CAD: variants seen among roughly 807,000 people sequenced by gnomAD.
The protein encoded by CAD is multifunctional protein CAD.
Under a neutral mutation model 237.2 loss-of-function variants are expected in CAD, and 81 were observed. That is an observed-to-expected ratio of 0.34 (90% CI 0.29 to 0.41). CAD has a LOEUF of 0.41. Among genes scored for constraint, CAD ranks in the 10% least tolerant of loss-of-function variants. CAD has a pLI of 1.00. For synonymous variants in CAD, 1,196 were observed against 1,162.8 expected (o/e 1.03, Z -0.58); for missense variants, 2,181 against 2,951.7 (o/e 0.74, Z 6.05).
At chr2:27,219,472 A>G (rs1675045112) in intron 2 of CAD, among the ~76,000 whole-genome samples, 1 of 152,032 alleles carries the variant, frequency 6.6e-6, no homozygotes, top group Non-Finnish European at 1.5e-5. Flanking sequence ...CCCCCCAAGT[A>G]GCTGGGACTA....
At chr2:27,229,213 C>T (rs1005055617) in intron 15 of CAD, among the ~76,000 whole-genome samples, 4 of 151,952 alleles carry the variant, frequency 2.6e-5, no homozygotes, top group Admixed American at 2.6e-4. Flanking sequence ...TCACCATGCC[C>T]GGCCGACCCT....
In CAD at chr2:27,222,679, T is replaced by C. The variant is rs368706241; in HGVS notation, c.637+19T>C. The C allele has an allele frequency of 3.7e-6, 6 of 1,606,816 alleles. No homozygotes were observed. The African/African-American group carries it at 8.0e-5, about 21-fold the overall frequency. ...AGCCAAGGTGAGTAGCTGGGGCCTG[T>C]TCAGGGCCTCAGACAAGCAGCTTGG... On this transcript the variant is annotated intron_variant, in intron 5 of 43. Transcript: ENST00000264705.
chr2:27,235,182 C>A lies in CAD; in HGVS notation c.3787-63C>A. 6.9e-7 allele frequency: 1 copy of A among 1,440,438 alleles called. No homozygotes were observed. Among genetic ancestry groups the A allele is most frequent in the Non-Finnish European group, 9.5e-7 (1 of 1,053,870 alleles). 89.2% of individuals were successfully genotyped at this position (1,440,438 alleles called of 1,614,324 possible). Reference sequence around the variant, plus strand: ...CAAGCACAGGGTACTGTGTCCGTCTCTGCTGGTGAGGGAGGAGGTCCTCTC... The same window carrying A: ...CAAGCACAGGGTACTGTGTCCGTCTATGCTGGTGAGGGAGGAGGTCCTCTC... On this transcript the variant is annotated intron_variant, in intron 23 of 43. Transcript: ENST00000264705. This position sits in a 1 kb window ranked among gnomAD's most constrained non-coding sequence, Gnocchi z 5.2.
Position 27,224,777 on chromosome 2 carries a change from GA to G in CAD, c.1288del (p.Thr430ArgfsTer3). 1 of 1,614,234 alleles carries G rather than the reference GA, an allele frequency of 6.2e-7. No homozygotes were observed. The highest frequency in any genetic ancestry group is 8.5e-7 in the Non-Finnish European group (1 of 1,180,024). ...IKALKEENIQTLLINPNIATV... is the reference protein window; with the variant it reads ...IKALKEENIQXLLINPNIATV... Reference sequence around the variant, plus strand: ...AGGCCCTGAAGGAGGAAAACATCCAGACGTTGCTGATCAACCCCAATATTGC... The same window carrying G: ...AGGCCCTGAAGGAGGAAAACATCCAGCGTTGCTGATCAACCCCAATATTGC... On this transcript the variant is annotated frameshift_variant, in exon 10 of 44. Coordinates refer to ENST00000264705, the MANE Select transcript of CAD (RefSeq NM_004341.5). LOFTEE classifies it high-confidence loss of function.
chr2:27,225,687 C>G lies in CAD; in HGVS notation c.1621-18C>G. On this transcript the variant is annotated intron_variant, in intron 11 of 43. Transcript: ENST00000264705. ...AGTAGGAAATAACCTGTTTGTTCAT[C>G]TCTTCCACTCATTGCAGGCCCAGGC... 1.9e-6 allele frequency: 3 copies of G among 1,577,328 alleles called. No homozygotes were observed. The highest frequency in any genetic ancestry group is 1.3e-5 in the African/African-American group (1 of 74,380).
intron 11 of CAD, 108 bp from the exon 12 acceptor site, chr2:27,225,597 C>G: frequency 1.2e-6 from 1 of 818,304 alleles, no homozygotes; most frequent in Admixed American, 2.1e-5. Context: ...CAGGCGTGAG[C>G]CACTATGCCC....
Position 27,225,038 on chromosome 2 carries a change from T to C in CAD, c.1415T>C (p.Val472Ala). 1.2e-6 allele frequency: 2 copies of C among 1,611,648 alleles called. No individual in the cohort carries two copies. The highest frequency in any genetic ancestry group is 1.7e-6 in the Non-Finnish European group (2 of 1,177,932). ...QVIRNERPDG[V>A]LLTFGGQTAL... ...ATACGTAATGAACGCCCCGATGGTGTGTTACTGACTTTTGGGGGCCAGACT... is the reference window on the plus strand; with the variant it reads ...ATACGTAATGAACGCCCCGATGGTGCGTTACTGACTTTTGGGGGCCAGACT... Residue 472 changes from valine to alanine, a missense_variant, in exon 11 of 44, where the codon GTG becomes GCG. Transcript: ENST00000264705.
Position 27,239,491 on chromosome 2 carries a change from C to A in CAD, c.5394+20C>A. ...GGGCAGGTACGCAAGTAGCCCCTGC[C>A]TGATCTCAGTAGTGCCCTCTTCTGC... On this transcript the variant is annotated intron_variant, in intron 33 of 43. Coordinates refer to ENST00000264705, the MANE Select transcript of CAD (RefSeq NM_004341.5). The surrounding 1 kb of genome is among the most constrained non-coding windows in gnomAD (Gnocchi z 4.0). 6.2e-7 allele frequency: 1 copy of A among 1,611,602 alleles called. No homozygotes were observed. The highest frequency in any genetic ancestry group is 1.1e-5 in the South Asian group (1 of 90,984).
Position 27,224,760 on chromosome 2 carries a change from A to G in CAD, c.1270A>G (p.Lys424Glu). The stretch of plus-strand genomic sequence containing the variant: ...GTCCTTTTAGGCAATTAAGGCCCTG[A>G]AGGAGGAAAACATCCAGACGTTGCT... ...YSGSQAIKAL[K>E]EENIQTLLIN... The change falls in exon 10 of 44, where the codon AAG becomes GAG. Residue 424 changes from lysine to glutamate, a missense_variant. Physicochemically the swap from Lys to Glu is moderately conservative, Grantham distance 56. Around this residue, in one of 12 missense-constraint regions of CAD, gnomAD observed 174 missense variants for 215.8 expected, o/e 0.81. Transcript: ENST00000264705. The G allele has an allele frequency of 6.2e-7, 1 of 1,614,222 alleles. No homozygotes were observed. Among genetic ancestry groups the G allele is most frequent in the Non-Finnish European group, 8.5e-7 (1 of 1,180,026 alleles).
chr2:27,231,151 G>A (rs1157840143), intron 15 of CAD, among the ~76,000 whole-genome samples: 1 of 152,170 alleles, frequency 6.6e-6, no homozygotes, highest in Non-Finnish European at 1.5e-5. Flanking sequence ...GGCTACAGGC[G>A]CCCGCCACCA....
Position 27,239,867 on chromosome 2 carries a change from T to A in CAD, c.5496+69T>A. ...AGGGCAGGATGAACAGCTTGAACAT[T>A]TTCATTGGTGGTTCAGGAACAATTG... is the stretch of plus-strand genomic sequence containing the variant. On this transcript the variant is annotated intron_variant, in intron 34 of 43. Coordinates refer to ENST00000264705, the MANE Select transcript of CAD (RefSeq NM_004341.5). This position sits in a 1 kb window ranked among gnomAD's most constrained non-coding sequence, Gnocchi z 4.0. The A allele has an allele frequency of 9.0e-7, 1 of 1,113,878 alleles. No homozygotes were observed. Among genetic ancestry groups the A allele is most frequent in the Non-Finnish European group, 1.3e-6 (1 of 781,916 alleles). 69.0% of individuals were successfully genotyped at this position (1,113,878 alleles called of 1,614,324 possible). A position where few individuals can be genotyped will look rare whatever the true frequency, so the allele number is the denominator to read the frequency against.
At chr2:27,227,070 T>A in intron 15 of CAD, 108 bp downstream of exon 15, 1 of 925,276 alleles carries the variant, frequency 1.1e-6, no homozygotes, top group South Asian at 1.5e-5. Flanking sequence ...AGCAGGTGCT[T>A]GAGACATTTC....
Position 27,232,566 on chromosome 2 carries a change from T to C in CAD, c.2764T>C (p.Trp922Arg). The C allele has an allele frequency of 1.2e-6, 2 of 1,614,204 alleles. No individual in the cohort carries two copies. Among genetic ancestry groups the C allele is most frequent in the Non-Finnish European group, 8.5e-7 (1 of 1,180,030 alleles). ...AQTNYLYLTY[W>R]GTTHDLTFRT... ...GACAAATTACCTATACCTAACGTAT[T>C]GGGGCACCACCCATGACCTCACCTT... The change falls in exon 18 of 44, where the codon TGG becomes CGG. Residue 922 changes from tryptophan to arginine, a missense_variant. Trp to Arg is a moderately radical substitution (Grantham distance 101). This residue lies in a region of CAD where 385 missense variants were observed against 535.1 expected (regional missense o/e 0.72). Transcript: ENST00000264705. The surrounding 1 kb of genome is among the most constrained non-coding windows in gnomAD (Gnocchi z 4.1).
Position 27,236,653 on chromosome 2 carries a change from T to A in CAD, c.4315-96T>A. The A allele has an allele frequency of 6.5e-7, 1 of 1,541,440 alleles. No individual in the cohort carries two copies. Among genetic ancestry groups the A allele is most frequent in the Admixed American group, 1.7e-5 (1 of 59,800 alleles). On this transcript the variant is annotated intron_variant, in intron 26 of 43. Coordinates refer to ENST00000264705, the MANE Select transcript of CAD (RefSeq NM_004341.5). This position sits in a 1 kb window ranked among gnomAD's most constrained non-coding sequence, Gnocchi z 4.1. Reference sequence around the variant, plus strand: ...GCTACAGAGGGAGAGATGGTGGGTATAGAGTGTGCAGAGCCTGGTTTATGG... The same window carrying A: ...GCTACAGAGGGAGAGATGGTGGGTAAAGAGTGTGCAGAGCCTGGTTTATGG...
Position 27,238,086 on chromosome 2 carries a change from A to G in CAD, c.4759A>G (p.Ile1587Val), listed in dbSNP as rs1325355255. 4.3e-6 allele frequency: 7 copies of G among 1,613,964 alleles called. No homozygotes were observed. Among genetic ancestry groups the G allele is most frequent in the South Asian group, 3.3e-5 (3 of 91,082 alleles). The change falls in exon 30 of 44, where the codon ATT becomes GTT. Residue 1587 changes from isoleucine to valine, a missense_variant. Ile to Val is a conservative substitution (Grantham distance 29). Transcript: ENST00000264705. ...CGAGACATGGCCCTCCCACCTCCCCATTGTGGCTCACGCAGAGCAGCAAAC... is the reference window on the plus strand; with the variant it reads ...CGAGACATGGCCCTCCCACCTCCCCGTTGTGGCTCACGCAGAGCAGCAAAC... ...HFETWPSHLP[I>V]VAHAEQQTVA...
At position 27,242,240 on chromosome 2, in the gene CAD, G is replaced by C; in HGVS notation, c.6097-62G>C. On this transcript the variant is annotated intron_variant, in intron 39 of 43. Coordinates refer to ENST00000264705, the MANE Select transcript of CAD (RefSeq NM_004341.5). This position sits in a 1 kb window ranked among gnomAD's most constrained non-coding sequence, Gnocchi z 6.4. ...AGATGAGTGAGGGGACCCCAGAAGA[G>C]GGGGACTGGCAGTTGGGGGGCCTCT... 3 of 1,583,814 alleles carry C rather than the reference G, an allele frequency of 1.9e-6. No homozygotes were observed. Among genetic ancestry groups the C allele is most frequent in the Non-Finnish European group, 2.6e-6 (3 of 1,161,718 alleles).
chr2:27,221,209 C>A lies in CAD; in HGVS notation c.223-9C>A. 6.6e-7 allele frequency: 1 copy of A among 1,507,582 alleles called. No individual in the cohort carries two copies. The highest frequency in any genetic ancestry group is 1.4e-5 in the South Asian group (1 of 73,934). 93.4% of individuals were successfully genotyped at this position (1,507,582 alleles called of 1,614,324 possible). On this transcript the variant is annotated splice_polypyrimidine_tract_variant and intron_variant, in intron 2 of 43. Transcript: ENST00000264705. ...CCTGAGGCTTCTCACAATCTCTTTC[C>A]ATCTACAGTGGTTTGAATCCTCGGG...
In CAD at chr2:27,240,219, A is replaced by AAAAG; in HGVS notation, c.5497-42_5497-39dup. ...GAGCGACAGAACGAGACTCCGTCTC[A>AAAAG]AAAGAAAAAAAAAAAAACAACTCTG... On this transcript the variant is annotated intron_variant, in intron 34 of 43. Coordinates refer to ENST00000264705, the MANE Select transcript of CAD (RefSeq NM_004341.5). The surrounding 1 kb of genome is among the most constrained non-coding windows in gnomAD (Gnocchi z 4.6). 6.6e-7 allele frequency: 1 copy of AAAAG among 1,516,158 alleles called. No homozygotes were observed. The highest frequency in any genetic ancestry group is 2.3e-5 in the East Asian group (1 of 44,382). The allele number at this position is 1,516,158 out of a possible 1,614,324, so 93.9% of individuals were successfully genotyped here. A position where few individuals can be genotyped will look rare whatever the true frequency, so the allele number is the denominator to read the frequency against.
chr2:27,237,738 G>A lies in CAD; in HGVS notation c.4584G>A (p.Arg1528=), dbSNP rs767126733. ...TCCAGCTGGCAGAGGCTGGCGCCCG[G>A]TGCGACTTTGCGCTATTCCTTGGGG... The part of the protein sequence containing the change: ...LAQKLAEAGA[R]CDFALFLGAS... Residue 1528 remains arginine, a synonymous_variant, in exon 29 of 44, where the codon CGG becomes CGA. Transcript: ENST00000264705. This position sits in a 1 kb window ranked among gnomAD's most constrained non-coding sequence, Gnocchi z 4.0. 29 of 1,613,864 alleles carry A rather than the reference G, an allele frequency of 1.8e-5. No homozygotes were observed. Among genetic ancestry groups the A allele is most frequent in the African/African-American group, 1.3e-4 (10 of 75,080 alleles).
Sources: gnomAD v4.1 joint callset for allele counts (sites outside exome capture counted in the v4.1 genomes callset) on GRCh38, gnomAD v4.1.1 for gene constraint, gnomAD v4.1.1 regional missense constraint, Gnocchi (gnomAD v3.1) non-coding constraint, MANE v1.5 for transcripts, NCBI Gene and HGNC (gene_info 2026-07-23, HGNC 2026-07-21) for gene names.